The following SLC16A12 variants were observed in gnomAD, a reference collection of about 807,000 sequenced individuals.
SLC16A12 encodes solute carrier family 16 member 12.
Under a neutral mutation model 42.4 loss-of-function variants are expected in SLC16A12, and 17 were observed. That is an observed-to-expected ratio of 0.40 (90% CI 0.27 to 0.60). SLC16A12 has a LOEUF of 0.60. SLC16A12 is among the 20% of genes least tolerant of loss of function. The pLI, the probability that SLC16A12 is intolerant of heterozygous loss-of-function variation, is 0.42. For synonymous variants in SLC16A12, 224 were observed against 229.4 expected (o/e 0.98, Z 0.21); for missense variants, 544 against 623.0 (o/e 0.87, Z 1.35).
chr10:89,530,999 AT>A (rs1248475369), intron 2 of SLC16A12, among the ~76,000 whole-genome samples: 2 of 152,072 alleles, frequency 1.3e-5, no homozygotes, highest in South Asian at 4.2e-4. Flanking sequence ...GTGTTGATAT[AT>A]TTTTTTTAAC....
chr10:89,462,278 A>G, intron 3 of SLC16A12, 101 bp downstream of exon 3: 1 of 1,504,056 alleles, frequency 6.6e-7, no homozygotes, highest in Non-Finnish European at 9.1e-7. Flanking sequence ...ATGAACACAC[A>G]CATATCTTCA....
intron 3 of SLC16A12, among the ~76,000 whole-genome samples, chr10:89,447,124 C>T (rs1429771130): frequency 1.3e-5 from 2 of 152,120 alleles, no homozygotes; most frequent in Non-Finnish European, 2.9e-5. Context: ...ACTTAGAGAC[C>T]TACAAAGAGA....
At chr10:89,483,956 T>A (rs1842710227) in intron 2 of SLC16A12, among the ~76,000 whole-genome samples, 1 of 152,172 alleles carries the variant, frequency 6.6e-6, no homozygotes, top group African/African-American at 2.4e-5. Context: ...AATCTCAGCT[T>A]CTGCATTTCT....
chr10:89,433,440 T>G, intron 7 of SLC16A12, 114 bp from the exon 8 acceptor site: 1 of 1,121,214 alleles, frequency 8.9e-7, no homozygotes, highest in Non-Finnish European at 1.3e-6. Flanking sequence ...CCACCAATTG[T>G]AACTTTGAAA....
intron 2 of SLC16A12, among the ~76,000 whole-genome samples, chr10:89,515,742 G>T (rs1843240845): frequency 6.6e-6 from 1 of 152,088 alleles, no homozygotes; most frequent in Admixed American, 6.5e-5. Context: ...CCAGCCCAGA[G>T]CCATGGAATT....
At chr10:89,437,740 A>G (rs886497475) in intron 6 of SLC16A12, among the ~76,000 whole-genome samples, 1 of 152,194 alleles carries the variant, frequency 6.6e-6, no homozygotes, top group Non-Finnish European at 1.5e-5. Context: ...GTGAGAAGCT[A>G]CATGATGGTA....
At chr10:89,543,519 A>G (rs575871986) in intron 2 of SLC16A12, among the ~76,000 whole-genome samples, 1 of 152,148 alleles carries the variant, frequency 6.6e-6, no homozygotes, top group African/African-American at 2.4e-5. Context: ...AGGCTAATTG[A>G]GATTTGTACT....
chr10:89,509,751 C>T (rs537784671), intron 2 of SLC16A12, among the ~76,000 whole-genome samples: 5 of 152,186 alleles, frequency 3.3e-5, no homozygotes, highest in African/African-American at 1.2e-4. Context: ...GGCCATCAGG[C>T]AAAAGAAAGA....
At chr10:89,436,868 AAAAGAAAG>A (rs370756736) in intron 6 of SLC16A12, among the ~76,000 whole-genome samples, 2,774 of 120,490 alleles carry the variant, frequency 0.023, 44 homozygotes, top group Non-Finnish European at 0.026. Flanking sequence ...GAAATAAAGA[AAAAGAAAG>A]AAAGAAAGAA....
At position 89,514,115 on chromosome 10, in the gene SLC16A12, T is replaced by C. The variant is rs896428212; in HGVS notation, c.-47+20386A>G. Among the ~76,000 whole-genome samples the C allele has an allele frequency of 3.3e-5, 5 of 152,174 alleles. No homozygotes were observed. The East Asian group carries it at 9.6e-4, about 29-fold the overall frequency. Reference sequence around the variant, plus strand: ...CGGATTCAGATTTGGCAGATTTGGGTGGAATCTGAAATTCACATTTCTGAC... The same window carrying C: ...CGGATTCAGATTTGGCAGATTTGGGCGGAATCTGAAATTCACATTTCTGAC... On this transcript the variant is annotated intron_variant, in intron 2 of 7. Transcript: ENST00000371790.
chr10:89,536,765 G>T (rs902450018), upstream of SLC16A12, among the ~76,000 whole-genome samples: 6 of 152,104 alleles, frequency 3.9e-5, no homozygotes, highest in African/African-American at 1.4e-4. Flanking sequence ...ATCAGAATCT[G>T]CATTTTTTGC....
intron 2 of SLC16A12, among the ~76,000 whole-genome samples, chr10:89,505,108 G>A (rs550977595): frequency 9.1e-4 from 138 of 152,180 alleles, no homozygotes; most frequent in Admixed American, 2.6e-3. Context: ...GGAGCAAAAA[G>A]ACAATAAAAA....
intron 2 of SLC16A12, among the ~76,000 whole-genome samples, chr10:89,547,209 A>G (rs1843746906): frequency 6.6e-6 from 1 of 152,216 alleles, no homozygotes; most frequent in African/African-American, 2.4e-5. Flanking sequence ...AATATGCCTT[A>G]TAAGAGTATA....
intron 4 of SLC16A12, among the ~76,000 whole-genome samples, chr10:89,441,775 C>T (rs1368031755): frequency 1.3e-5 from 2 of 152,118 alleles, no homozygotes; most frequent in South Asian, 2.1e-4. Flanking sequence ...ATATCAAAGC[C>T]CAGAAAATCT....
intron 2 of SLC16A12, among the ~76,000 whole-genome samples, chr10:89,518,737 G>A (rs1843299232): frequency 6.6e-6 from 1 of 152,052 alleles, no homozygotes; most frequent in Admixed American, 6.6e-5. Context: ...CTACTCATAG[G>A]GTTACTCTGA....
In SLC16A12 at chr10:89,510,417, C is replaced by A. The variant is rs183900876; in HGVS notation, c.-47+24084G>T. 2.1e-3 allele frequency among the ~76,000 whole-genome samples: 319 copies of A among 152,220 alleles called. 1 individual carries two copies. Among genetic ancestry groups the A allele is most frequent in the African/African-American group, 7.3e-3 (305 of 41,542 alleles). On this transcript the variant is annotated intron_variant, in intron 2 of 7. Transcript: ENST00000371790. ...GACAAATGGAACGGAACAGAGGCCT[C>A]AGAAATAACACCACACATCTACAAC...
At chr10:89,531,035 T>C (rs994902492) in intron 2 of SLC16A12, among the ~76,000 whole-genome samples, 3 of 152,166 alleles carry the variant, frequency 2.0e-5, no homozygotes, top group African/African-American at 7.2e-5. Flanking sequence ...TGGGTCCATA[T>C]AGCGATCAAC....
chr10:89,460,090 G>A (rs1037540019), intron 3 of SLC16A12, among the ~76,000 whole-genome samples: 2 of 152,104 alleles, frequency 1.3e-5, no homozygotes, highest in Admixed American at 1.3e-4. Context: ...AGCACTATGG[G>A]CAATTCCACA....
intron 2 of SLC16A12, among the ~76,000 whole-genome samples, chr10:89,464,681 T>C (rs1383104009): frequency 6.6e-6 from 1 of 152,132 alleles, no homozygotes; most frequent in Admixed American, 6.5e-5. Context: ...CTCAAGAAAA[T>C]GGCTCACAAC....
Sources: gnomAD v4.1 joint callset for allele counts (sites outside exome capture counted in the v4.1 genomes callset) on GRCh38, gnomAD v4.1.1 for gene constraint, MANE v1.5 for transcripts, NCBI Gene and HGNC (gene_info 2026-07-23, HGNC 2026-07-21) for gene names.